CTNNB1: variants seen among roughly 807,000 people sequenced by gnomAD.
CTNNB1 encodes the protein catenin beta 1.
Under a neutral mutation model 82.5 loss-of-function variants are expected in CTNNB1, and 6 were observed. The ratio of observed to expected loss-of-function variants is 0.07; its 90% CI spans 0.04 to 0.14. The LOEUF (loss-of-function observed/expected upper bound fraction) is 0.14. CTNNB1 is among the 10% of genes least tolerant of loss of function. The pLI is 1.00. For synonymous variants in CTNNB1, 312 were observed against 329.7 expected (o/e 0.95, Z 0.58); for missense variants, 529 against 980.4 (o/e 0.54, Z 6.15).
chr3:41,214,557 G>T (rs1377859568), intron 1 of CTNNB1, among the ~76,000 whole-genome samples: 20 of 152,076 alleles, frequency 1.3e-4, no homozygotes, highest in Admixed American at 1.3e-3. Context: ...ATACTTACGG[G>T]GGGGAACACT....
chr3:41,210,092 C>G (rs1406376564), intron 1 of CTNNB1, among the ~76,000 whole-genome samples: 2 of 152,140 alleles, frequency 1.3e-5, no homozygotes, highest in Non-Finnish European at 2.9e-5. Flanking sequence ...CAAAAATTTT[C>G]TTTATATCTT....
intron 1 of CTNNB1, among the ~76,000 whole-genome samples, chr3:41,207,851 T>C (rs1438989316): frequency 6.6e-6 from 1 of 152,214 alleles, no homozygotes; most frequent in African/African-American, 2.4e-5. Context: ...CTCTCTCAAG[T>C]GGTGAATTTT....
intron 1 of CTNNB1, among the ~76,000 whole-genome samples, chr3:41,210,853 G>A (rs1292395415): frequency 1.3e-5 from 2 of 151,634 alleles, no homozygotes; most frequent in Admixed American, 6.6e-5. Flanking sequence ...GCAGTGGTGC[G>A]AGGATAGCTC....
intron 2 of CTNNB1, chr3:41,224,315 T>G (rs1227638198): frequency 2.9e-6 from 2 of 693,044 alleles, no homozygotes. Flanking sequence ...ATTCTTCCAC[T>G]GATTCAGTGA....
chr3:41,211,009 C>T, intron 1 of CTNNB1: 2 of 456,214 alleles, frequency 4.4e-6, no homozygotes, highest in South Asian at 3.1e-5. Context: ...CCAGGGCTGG[C>T]CTTGAATTCC....
intron 7 of CTNNB1, among the ~76,000 whole-genome samples, chr3:41,227,637 A>C (rs2078209155): frequency 6.7e-6 from 1 of 150,040 alleles, no homozygotes; most frequent in South Asian, 2.1e-4. Context: ...ATTTGCTAAC[A>C]GAGCTGTGAA....
intron 1 of CTNNB1, among the ~76,000 whole-genome samples, chr3:41,212,538 A>AC (rs1559459521): frequency 6.6e-6 from 1 of 152,064 alleles, no homozygotes; most frequent in Non-Finnish European, 1.5e-5. Context: ...TTTAGTCTTG[A>AC]CCCCTGCCTT....
chr3:41,200,586 G>C (rs1395449084), intron 1 of CTNNB1, among the ~76,000 whole-genome samples: 4 of 152,208 alleles, frequency 2.6e-5, no homozygotes, highest in African/African-American at 9.6e-5. Context: ...CAAATAGTTT[G>C]ATGGCAGCTA....
intron 1 of CTNNB1, among the ~76,000 whole-genome samples, chr3:41,216,790 T>G (rs1358144680): frequency 1.3e-5 from 2 of 152,242 alleles, no homozygotes; most frequent in African/African-American, 4.8e-5. Context: ...CAAAAATATA[T>G]GTACAAAGGT....
In CTNNB1 at chr3:41,227,201, T is replaced by C. The variant is rs2125627505; in HGVS notation, c.937-7T>C. On this transcript the variant is annotated splice_region_variant and splice_polypyrimidine_tract_variant and intron_variant, in intron 6 of 14. Transcript: ENST00000349496. ...GACTAACAAGATATATATATATATC[T>C]TTCTAGCTCATCATACTGGCTAGTG... 6.2e-7 allele frequency: 1 copy of C among 1,603,922 alleles called. No homozygotes were observed. Among genetic ancestry groups the C allele is most frequent in the Non-Finnish European group, 8.5e-7 (1 of 1,170,964 alleles).
At chr3:41,236,258 A>G in intron 11 of CTNNB1, 91 bp from the exon 12 acceptor site, 1 of 1,454,258 alleles carries the variant, frequency 6.9e-7, no homozygotes, top group Non-Finnish European at 9.7e-7. Flanking sequence ...TGCCTCTTGC[A>G]CTCTGAATTG....
chr3:41,225,050 A>G lies in CTNNB1; in HGVS notation c.338A>G (p.Gln113Arg), dbSNP rs2078142229. The change falls in exon 4 of 15, where the codon CAG (glutamine) becomes CGG (arginine). Residue 113 changes from glutamine (Q) to arginine (R), a missense_variant. Coordinates refer to ENST00000349496, the MANE Select transcript of CTNNB1 (RefSeq NM_001904.4). This position sits in a 1 kb window ranked among gnomAD's most constrained non-coding sequence, Gnocchi z 5.3. ...GAGGGCATGCAGATCCCATCTACAC[A>G]GTTTGATGCTGCTCATCCCACTAAT... ...LDEGMQIPST[Q>R]FDAAHPTNVQ... 6.2e-7 allele frequency: 1 copy of G among 1,613,986 alleles called. No homozygotes were observed. Among genetic ancestry groups the G allele is most frequent in the African/African-American group, 1.3e-5 (1 of 74,906 alleles).
Position 41,225,132 on chromosome 3 carries a change from T to C in CTNNB1, c.420T>C (p.Ile140=), listed in dbSNP as rs3856746. ...QMLKHAVVNL[I]NYQDDAELAT... ...TGAAACATGCAGTTGTAAACTTGAT[T>C]AACTATCAAGATGATGCAGAACTTG... Residue 140 remains isoleucine (I), a synonymous_variant, in exon 4 of 15, where the codon ATT becomes ATC. Transcript: ENST00000349496. The surrounding 1 kb of genome is among the most constrained non-coding windows in gnomAD (Gnocchi z 5.3). 1,495 of 1,614,046 alleles carry C rather than the reference T, an allele frequency of 9.3e-4. 17 individuals are homozygous for C. In the African/African-American group the frequency reaches 0.015, roughly 16 times the overall value.
chr3:41,224,981 G>A lies in CTNNB1; in HGVS notation c.269G>A (p.Arg90Gln), dbSNP rs2125619762. Residue 90 changes from arginine to glutamine, a missense_variant, in exon 4 of 15, where the codon CGA becomes CAA. This residue lies in a region of CTNNB1 where 411 missense variants were observed against 776.4 expected (regional missense o/e 0.53). Coordinates refer to ENST00000349496, the MANE Select transcript of CTNNB1 (RefSeq NM_001904.4). ...ATTGATGGACAGTATGCAATGACTCGAGCTCAGAGGGTACGAGCTGCTATG... is the reference window on the plus strand; with the variant it reads ...ATTGATGGACAGTATGCAATGACTCAAGCTCAGAGGGTACGAGCTGCTATG... ...ADIDGQYAMT[R>Q]AQRVRAAMFP... The A allele has an allele frequency of 6.2e-7, 1 of 1,613,962 alleles. No homozygotes were observed. The highest frequency in any genetic ancestry group is 8.5e-7 in the Non-Finnish European group (1 of 1,179,938).
intron 11 of CTNNB1, 40 bp from the exon 12 acceptor site, chr3:41,236,309 C>T (rs776898372): frequency 1.2e-6 from 2 of 1,613,552 alleles, no homozygotes; most frequent in South Asian, 2.2e-5. Flanking sequence ...CATGTTTTAG[C>T]TTTAGATTTA....
intron 1 of CTNNB1, among the ~76,000 whole-genome samples, chr3:41,217,859 C>T (rs2077951007): frequency 1.3e-5 from 2 of 151,970 alleles, no homozygotes; most frequent in Non-Finnish European, 2.9e-5. Context: ...CTTTTTTTGA[C>T]TTGTTCCCAG....
intron 7 of CTNNB1, among the ~76,000 whole-genome samples, chr3:41,230,987 T>G (rs2078294191): frequency 6.6e-6 from 1 of 152,226 alleles, no homozygotes; most frequent in African/African-American, 2.4e-5. Flanking sequence ...AGAGCTGTCC[T>G]AGGCCATGTG....
intron 1 of CTNNB1, chr3:41,220,567 T>TG (rs544975698): frequency 4.5e-4 from 68 of 152,310 alleles, no homozygotes; most frequent in Admixed American, 3.1e-3. Flanking sequence ...AAAGTATTAC[T>TG]GGTGACAGTT....
intron 1 of CTNNB1, among the ~76,000 whole-genome samples, chr3:41,209,088 T>C (rs1358774398): frequency 2.0e-5 from 3 of 152,240 alleles, no homozygotes; most frequent in Non-Finnish European, 2.9e-5. Context: ...TGCCTTTTCA[T>C]TGGTTTCCAG....
Sources: allele counts gnomAD v4.1 joint callset (sites outside exome capture counted in the v4.1 genomes callset), GRCh38; gene constraint gnomAD v4.1.1; regional missense constraint gnomAD v4.1.1; non-coding constraint Gnocchi (gnomAD v3.1); transcripts MANE v1.5; gene names NCBI Gene and HGNC (gene_info 2026-07-23, HGNC 2026-07-21).